MAP3K15: variants seen among roughly 807,000 people sequenced by gnomAD.
MAP3K15 encodes mitogen-activated protein kinase kinase kinase 15, also known as MAPK/ERK kinase kinase 15.
MAP3K15 carries 124 observed loss-of-function variants against 99.5 expected under a neutral mutation model. The observed-to-expected ratio is 1.25, with a 90% CI of 1.08 to 1.45. MAP3K15 has a LOEUF of 1.45. Ranked by LOEUF, MAP3K15 falls within the 40% of genes most tolerant of loss-of-function variation. The probability of loss-of-function intolerance (pLI) is 0.00; values close to 1 mark genes in which losing one functional copy is unlikely to be tolerated. For missense variants in MAP3K15, 1,242 were observed against 1,079.7 expected, an observed-to-expected ratio of 1.15 and a Z score of -2.11; for synonymous variants, 494 against 439.6, an observed-to-expected ratio of 1.12 and a Z score of -1.55.
intron 4 of MAP3K15, among the ~76,000 whole-genome samples, chrX:19,461,005 A>G (rs1478487404): frequency 1.9e-5 from 2 of 103,294 alleles, no homozygotes; most frequent in African/African-American, 7.9e-5. Flanking sequence ...CTTAAGACAG[A>G]GTCTCGCACT....
chrX:19,448,173 C>T (rs1020748136), intron 6 of MAP3K15, among the ~76,000 whole-genome samples: 3 of 108,758 alleles, frequency 2.8e-5, no homozygotes, highest in East Asian at 2.8e-4. Flanking sequence ...CCTGACTCAA[C>T]GTGGCAACGA....
intron 1 of MAP3K15, among the ~76,000 whole-genome samples, chrX:19,490,391 T>C (rs1007906965): frequency 5.4e-5 from 6 of 111,251 alleles, no homozygotes; most frequent in Non-Finnish European, 9.4e-5. Context: ...TATTTCACAC[T>C]GCTGCAATAA....
At chrX:19,378,220 C>T (rs1602254786) in intron 19 of MAP3K15, among the ~76,000 whole-genome samples, 1 of 112,495 alleles carries the variant, frequency 8.9e-6, no homozygotes, top group East Asian at 2.8e-4. Context: ...CACACTGCGG[C>T]CTCATCATCC....
At chrX:19,386,773 T>TA (rs1238702406) in intron 18 of MAP3K15, among the ~76,000 whole-genome samples, 1 of 111,505 alleles carries the variant, frequency 9.0e-6, no homozygotes, top group Non-Finnish European at 1.9e-5. Flanking sequence ...AGGGACCTTC[T>TA]AATCTGATCA....
chrX:19,382,699 G>A lies in MAP3K15; in HGVS notation c.2432-2422C>T, dbSNP rs757652927. Among the ~76,000 whole-genome samples, 6 of 111,685 alleles carry A rather than the reference G, an allele frequency of 5.4e-5. 1 individual carries two copies. Among genetic ancestry groups the A allele is most frequent in the Non-Finnish European group, 9.4e-5 (5 of 53,131 alleles). The stretch of plus-strand genomic sequence containing the variant: ...AACATGGCAGCGCATTACACTTGAT[G>A]CCCTGTTAGGAAATCCCAGAGCCCC... On this transcript the variant is annotated intron_variant, in intron 18 of 28. Transcript: ENST00000338883.
intron 3 of MAP3K15, 83 bp from the exon 4 acceptor site, chrX:19,464,489 G>A (rs2064152790): frequency 4.2e-6 from 3 of 710,381 alleles, no homozygotes; most frequent in Non-Finnish European, 6.1e-6. Flanking sequence ...GGTGGGACAG[G>A]CATGGAGAAA....
Position 19,475,823 on chromosome X carries a change from C to T in MAP3K15, c.525+10659G>A, listed in dbSNP as rs750190798. 4.5e-5 allele frequency among the ~76,000 whole-genome samples: 5 copies of T among 112,139 alleles called. No homozygotes were observed. The South Asian group carries it at 1.5e-3, about 33-fold the overall frequency. ...CTACGCAATACCTGTGGACTATGTA[C>T]GCTAATGGCAAACTACTAAAAAATT... On this transcript the variant is annotated intron_variant, in intron 3 of 28. Transcript: ENST00000338883.
intron 9 of MAP3K15, among the ~76,000 whole-genome samples, chrX:19,420,715 G>GC (rs751135033): frequency 9.0e-6 from 1 of 111,426 alleles, no homozygotes; most frequent in South Asian, 3.7e-4. Flanking sequence ...CCAAAGCCTG[G>GC]CAGAGACACA....
At chrX:19,416,901 A>G (rs1408065956) in intron 9 of MAP3K15, among the ~76,000 whole-genome samples, 2 of 112,242 alleles carry the variant, frequency 1.8e-5, no homozygotes, top group African/African-American at 6.5e-5. Flanking sequence ...CAATTACAAA[A>G]TGACAAAATT....
chrX:19,417,083 T>C (rs1276617402), intron 9 of MAP3K15, among the ~76,000 whole-genome samples: 3 of 112,266 alleles, frequency 2.7e-5, no homozygotes, highest in African/African-American at 9.7e-5. Flanking sequence ...GATGGCTGAA[T>C]ACGAACAACT....
intron 7 of MAP3K15, among the ~76,000 whole-genome samples, chrX:19,431,019 G>A (rs189914463): frequency 1.1e-4 from 12 of 111,813 alleles, no homozygotes; most frequent in Non-Finnish European, 1.1e-4. Context: ...CAGGATTCAC[G>A]TCCGTTGTGT....
intron 19 of MAP3K15, among the ~76,000 whole-genome samples, chrX:19,375,484 C>T (rs1054448635): frequency 2.7e-5 from 3 of 112,186 alleles, no homozygotes; most frequent in Admixed American, 9.4e-5. Context: ...TGCCACATCT[C>T]GCTGTGACAC....
At chrX:19,401,899 C>G (rs1356644340) in intron 13 of MAP3K15, among the ~76,000 whole-genome samples, 2 of 112,006 alleles carry the variant, frequency 1.8e-5, no homozygotes, top group Non-Finnish European at 3.8e-5. Context: ...ACTAACCCAT[C>G]TTACCTTTTC....
intron 18 of MAP3K15, among the ~76,000 whole-genome samples, chrX:19,381,761 C>T (rs548660969): frequency 2.7e-5 from 3 of 111,983 alleles, no homozygotes; most frequent in South Asian, 7.5e-4. Flanking sequence ...TAACATCCTT[C>T]GTTTTCCTTG....
intron 1 of MAP3K15, among the ~76,000 whole-genome samples, chrX:19,510,959 A>G (rs2064513614): frequency 8.9e-6 from 1 of 111,929 alleles, no homozygotes; most frequent in Admixed American, 9.5e-5. Flanking sequence ...CTAAGAGAAT[A>G]AAATACCAAG....
intron 6 of MAP3K15, among the ~76,000 whole-genome samples, chrX:19,437,641 T>A (rs1271508851): frequency 8.9e-6 from 1 of 112,064 alleles, no homozygotes; most frequent in Non-Finnish European, 1.9e-5. Context: ...CTGGCTACCC[T>A]ATCACCCTAA....
At chrX:19,390,303 CTTTTTTTTTTTT>C (rs869140702) in intron 18 of MAP3K15, among the ~76,000 whole-genome samples, 2 of 69,395 alleles carry the variant, frequency 2.9e-5, no homozygotes, top group Admixed American at 1.6e-4. Context: ...CTAATTTTTT[CTTTTTTTTTTTT>C]TTTTTTTTTT....
chrX:19,405,180 A>G (rs1168417237), intron 13 of MAP3K15, among the ~76,000 whole-genome samples: 1 of 111,581 alleles, frequency 9.0e-6, no homozygotes, highest in Non-Finnish European at 1.9e-5. Context: ...TCTTAAAATC[A>G]ATAATAAAAT....
chrX:19,360,630 A>G lies in MAP3K15; in HGVS notation c.*119T>C, dbSNP rs1264828970. The G allele has an allele frequency of 3.8e-6, 2 of 530,999 alleles. No individual in the cohort carries two copies. The highest frequency in any genetic ancestry group is 6.3e-6 in the Non-Finnish European group (2 of 319,314). The allele number at this position is 530,999 out of a possible 1,213,427, so 43.8% of individuals were successfully genotyped here. On this transcript the variant is annotated 3_prime_UTR_variant, in exon 29 of 29. Transcript: ENST00000338883. ...ATTTAAAACAAGTTCTTAAACTATTAATTGAACAATGGCATTTTTAAATAT... is the reference window on the plus strand; with the variant it reads ...ATTTAAAACAAGTTCTTAAACTATTGATTGAACAATGGCATTTTTAAATAT...
Sources: gnomAD v4.1 joint callset for allele counts (sites outside exome capture counted in the v4.1 genomes callset) on GRCh38, gnomAD v4.1.1 for gene constraint, MANE v1.5 for transcripts, NCBI Gene and HGNC (gene_info 2026-07-23, HGNC 2026-07-21) for gene names.